Variants in BBX observed in about 807,000 individuals in gnomAD.
BBX encodes the protein BBX high mobility group box domain containing, also known as HMG box transcription factor BBX.
In BBX, 30 loss-of-function variants were observed where a neutral mutation model predicts 100.2. The observed-to-expected ratio is 0.30, with a 90% CI of 0.22 to 0.41. The LOEUF (loss-of-function observed/expected upper bound fraction) is 0.41, where lower values mean the gene tolerates loss of function less well. Ranked by LOEUF, BBX falls within the 10% of genes least tolerant of loss-of-function variation. The probability of loss-of-function intolerance (pLI) is 1.00; values close to 1 mark genes in which losing one functional copy is unlikely to be tolerated. For missense variants in BBX, 1,023 were observed against 1,129.8 expected (o/e 0.91, Z 1.35); for synonymous variants, 376 against 388.1 (o/e 0.97, Z 0.37).
intron 3 of BBX, among the ~76,000 whole-genome samples, chr3:107,678,815 C>A (rs79881634): frequency 0.056 from 8,536 of 152,102 alleles, 761 homozygotes; most frequent in African/African-American, 0.18. Flanking sequence ...ATAATGATAG[C>A]AAATCTTCAT....
At chr3:107,666,165 C>G (rs1030484781) in intron 3 of BBX, among the ~76,000 whole-genome samples, 4 of 152,150 alleles carry the variant, frequency 2.6e-5, no homozygotes, top group African/African-American at 9.7e-5. Flanking sequence ...AGAGATCAGG[C>G]TACAATGGGA....
intron 6 of BBX, among the ~76,000 whole-genome samples, chr3:107,731,876 G>T (rs2063337608): frequency 6.6e-6 from 1 of 152,098 alleles, no homozygotes; most frequent in Non-Finnish European, 1.5e-5. Flanking sequence ...ATTTTCAATT[G>T]TAGATTCCTG....
intron 9 of BBX, among the ~76,000 whole-genome samples, chr3:107,750,215 G>GT (rs2064970811): frequency 2.0e-5 from 3 of 152,240 alleles, no homozygotes; most frequent in African/African-American, 7.2e-5. Context: ...ATTCCCAGAG[G>GT]TTGCCCCTCT....
Position 107,642,999 on chromosome 3 carries a change from A to G in BBX, c.-83-2837A>G, listed in dbSNP as rs539087926. On this transcript the variant is annotated intron_variant, in intron 2 of 17. Transcript: ENST00000325805. ...ATATTCTTCTGTGTAAGTGGGCAGCATCGTTACCTCGGAGTCCCTTCTGCA... is the reference window on the plus strand; with the variant it reads ...ATATTCTTCTGTGTAAGTGGGCAGCGTCGTTACCTCGGAGTCCCTTCTGCA... Among the ~76,000 whole-genome samples, 19 of 152,302 alleles carry G rather than the reference A, an allele frequency of 1.2e-4. No individual in the cohort carries two copies. The Middle Eastern group carries it at 0.01, about 82-fold the overall frequency.
At chr3:107,608,529 A>G (rs1336202087) in intron 2 of BBX, among the ~76,000 whole-genome samples, 1 of 152,032 alleles carries the variant, frequency 6.6e-6, no homozygotes, top group African/African-American at 2.4e-5. Flanking sequence ...TTTGCTTAGG[A>G]TGAGTTTGGC....
intron 2 of BBX, among the ~76,000 whole-genome samples, chr3:107,567,967 G>A (rs1267040237): frequency 6.6e-6 from 1 of 151,458 alleles, no homozygotes; most frequent in Non-Finnish European, 1.5e-5. Flanking sequence ...GAGAACTTGA[G>A]TATTCTCTTA....
chr3:107,686,876 C>T (rs1268324161), intron 3 of BBX, among the ~76,000 whole-genome samples: 1 of 152,076 alleles, frequency 6.6e-6, no homozygotes, highest in Non-Finnish European at 1.5e-5. Flanking sequence ...CTAACCAACC[C>T]GTTAAAGGTC....
At position 107,585,761 on chromosome 3, in the gene BBX, T is replaced by C. The variant is rs188438985; in HGVS notation, c.-84+59363T>C. Reference sequence around the variant, plus strand: ...ATAGGAAACTTGTGATATATATGACTCTCTGGAGAACTAAAGTAAAAATTA... The same window carrying C: ...ATAGGAAACTTGTGATATATATGACCCTCTGGAGAACTAAAGTAAAAATTA... On this transcript the variant is annotated intron_variant, in intron 2 of 17. Transcript: ENST00000325805. 1.1e-4 allele frequency among the ~76,000 whole-genome samples: 17 copies of C among 152,286 alleles called. No homozygotes were observed. The East Asian group carries it at 3.3e-3, about 29-fold the overall frequency.
chr3:107,766,484 A>G (rs1440952614), intron 10 of BBX, among the ~76,000 whole-genome samples: 2 of 152,214 alleles, frequency 1.3e-5, no homozygotes, highest in Non-Finnish European at 2.9e-5. Context: ...GATAAAGCCA[A>G]CAAGAAACAA....
chr3:107,690,891 C>CTTTTT (rs1305340083), intron 3 of BBX, among the ~76,000 whole-genome samples: 87 of 72,322 alleles, frequency 1.2e-3, no homozygotes, highest in Non-Finnish European at 1.6e-3. Context: ...TGCCCCCCCC[C>CTTTTT]CTTTTTTTTT....
chr3:107,684,554 A>T (rs892689847), intron 3 of BBX: 1 of 152,208 alleles, frequency 6.6e-6, no homozygotes, highest in African/African-American at 2.4e-5. Context: ...CATGACAAGC[A>T]GAAATATCCA....
chr3:107,660,810 C>T (rs1184470643), intron 3 of BBX, among the ~76,000 whole-genome samples: 1 of 152,136 alleles, frequency 6.6e-6, no homozygotes, highest in African/African-American at 2.4e-5. Context: ...AAAGAGAATA[C>T]TCGTGCATAC....
intron 2 of BBX, among the ~76,000 whole-genome samples, chr3:107,598,222 A>C (rs1386586888): frequency 6.6e-6 from 1 of 152,186 alleles, no homozygotes; most frequent in Admixed American, 6.5e-5. Flanking sequence ...CCTTAAACTT[A>C]GAACACTGCT....
intron 10 of BBX, among the ~76,000 whole-genome samples, chr3:107,763,095 G>A (rs1051390919): frequency 1.3e-5 from 2 of 152,114 alleles, no homozygotes; most frequent in Non-Finnish European, 2.9e-5. Context: ...ATGTCATTAT[G>A]TATGTGCAAG....
intron 2 of BBX, among the ~76,000 whole-genome samples, chr3:107,542,294 G>A (rs2048917327): frequency 2.0e-5 from 3 of 152,240 alleles, no homozygotes; most frequent in Admixed American, 2.0e-4. Flanking sequence ...TGACACAAAA[G>A]CGGTTTATTT....
intron 12 of BBX, among the ~76,000 whole-genome samples, chr3:107,777,146 A>G (rs1430127667): frequency 6.6e-6 from 1 of 152,192 alleles, no homozygotes; most frequent in Non-Finnish European, 1.5e-5. Context: ...TGCATAAATC[A>G]TACCTTTGTC....
intron 3 of BBX, among the ~76,000 whole-genome samples, chr3:107,680,255 A>T (rs2059501394): frequency 6.6e-6 from 1 of 152,150 alleles, no homozygotes; most frequent in African/African-American, 2.4e-5. Context: ...GGCATAAATG[A>T]ACACATCTGG....
chr3:107,742,505 GTAAGAA>G (rs1395697201), intron 7 of BBX, among the ~76,000 whole-genome samples: 1 of 152,082 alleles, frequency 6.6e-6, no homozygotes, highest in Non-Finnish European at 1.5e-5. Flanking sequence ...ATGCTTTAAA[GTAAGAA>G]TAACTAGGTT....
At chr3:107,765,119 G>A (rs1194090320) in intron 10 of BBX, among the ~76,000 whole-genome samples, 9 of 152,108 alleles carry the variant, frequency 5.9e-5, no homozygotes, top group African/African-American at 2.2e-4. Context: ...GTCTACCAAA[G>A]ACATGTCATG....
Sources: gnomAD v4.1 joint callset for allele counts (sites outside exome capture counted in the v4.1 genomes callset) on GRCh38, gnomAD v4.1.1 for gene constraint, MANE v1.5 for transcripts, NCBI Gene and HGNC (gene_info 2026-07-23, HGNC 2026-07-21) for gene names.